The following KCNIP1 variants were observed in gnomAD, a reference collection of about 807,000 sequenced individuals.
KCNIP1 encodes the protein potassium voltage-gated channel interacting protein 1.
Under a neutral mutation model 33.0 loss-of-function variants are expected in KCNIP1, and 18 were observed. The observed-to-expected ratio is 0.55, with a 90% CI of 0.38 to 0.81. The LOEUF (loss-of-function observed/expected upper bound fraction) is 0.81, where lower values mean the gene tolerates loss of function less well. Among genes scored for constraint, KCNIP1 ranks in the 30% least tolerant of loss-of-function variants. KCNIP1 has a pLI of 0.00. For synonymous variants in KCNIP1, 93 were observed against 98.3 expected (o/e 0.95, Z 0.32); for missense variants, 238 against 271.6 (o/e 0.88, Z 0.87).
At chr5:170,450,484 AT>A (rs1368235563) in intron 1 of KCNIP1, among the ~76,000 whole-genome samples, 1 of 152,086 alleles carries the variant, frequency 6.6e-6, no homozygotes, top group East Asian at 1.9e-4. Context: ...AGACCACAGC[AT>A]TCCCTAGCTG....
intron 2 of KCNIP1, 101 bp downstream of exon 2, chr5:170,718,983 G>C: frequency 6.8e-7 from 1 of 1,460,394 alleles, no homozygotes; most frequent in Admixed American, 2.3e-5. Context: ...CCATATGTGA[G>C]GCTGTACAAG....
intron 1 of KCNIP1, among the ~76,000 whole-genome samples, chr5:170,668,294 G>C (rs1460077853): frequency 6.6e-6 from 1 of 152,156 alleles, no homozygotes; most frequent in African/African-American, 2.4e-5. Flanking sequence ...TAATCTATGG[G>C]CAAGAATCAT....
chr5:170,495,930 G>A (rs974445341), intron 1 of KCNIP1, among the ~76,000 whole-genome samples: 1 of 152,034 alleles, frequency 6.6e-6, no homozygotes, highest in Non-Finnish European at 1.5e-5. Context: ...CCTTTTTCAG[G>A]CTCCAATTGC....
At chr5:170,628,966 G>A (rs1381319619) in intron 1 of KCNIP1, among the ~76,000 whole-genome samples, 2 of 152,178 alleles carry the variant, frequency 1.3e-5, no homozygotes, top group East Asian at 1.9e-4. Context: ...CTGGCCACAA[G>A]CCCACCCTGT....
chr5:170,384,427 G>A (rs1035772208), intron 1 of KCNIP1, among the ~76,000 whole-genome samples: 1 of 152,190 alleles, frequency 6.6e-6, no homozygotes, highest in Non-Finnish European at 1.5e-5. Context: ...TGGGAAAGAT[G>A]GTGGGGACAG....
In KCNIP1 at chr5:170,361,916, G is replaced by A. The variant is rs566309162; in HGVS notation, c.88+7952G>A. On this transcript the variant is annotated intron_variant, in intron 1 of 7. Coordinates refer to the KCNIP1 transcript ENST00000377360. ...ATTTCAACATGTGAATTTGGGGGAC[G>A]GGAGGCACAAATATTCAGCCCATTG... Among the ~76,000 whole-genome samples the A allele has an allele frequency of 4.6e-5, 7 of 152,320 alleles. No individual in the cohort carries two copies. In the East Asian group the frequency reaches 9.7e-4, roughly 21 times the overall value.
intron 1 of KCNIP1, among the ~76,000 whole-genome samples, chr5:170,581,991 G>A (rs1177436535): frequency 6.6e-6 from 1 of 152,154 alleles, no homozygotes; most frequent in African/African-American, 2.4e-5. Context: ...CCAGCTCTTG[G>A]GGGAACTCTC....
chr5:170,483,745 G>A (rs1757025924), intron 1 of KCNIP1: 1 of 152,164 alleles, frequency 6.6e-6, no homozygotes, highest in Non-Finnish European at 1.5e-5. Context: ...CCAAATAGGT[G>A]CAAGTAGATT....
chr5:170,516,562 C>T (rs774529682), intron 1 of KCNIP1, among the ~76,000 whole-genome samples: 1 of 152,198 alleles, frequency 6.6e-6, no homozygotes, highest in Non-Finnish European at 1.5e-5. Flanking sequence ...CTTTGAGGAT[C>T]TCCCCCACCC....
intron 1 of KCNIP1, among the ~76,000 whole-genome samples, chr5:170,415,155 C>A (rs955157260): frequency 6.6e-6 from 1 of 152,140 alleles, no homozygotes; most frequent in East Asian, 1.9e-4. Context: ...GGATAACCCA[C>A]GAGGACGTTG....
intron 1 of KCNIP1, among the ~76,000 whole-genome samples, chr5:170,635,723 C>G (rs1760254830): frequency 6.6e-6 from 1 of 152,234 alleles, no homozygotes; most frequent in African/African-American, 2.4e-5. Context: ...CTTTGCAAGG[C>G]TCTGTTTTTA....
At chr5:170,617,504 C>T (rs1759430247) in intron 1 of KCNIP1, among the ~76,000 whole-genome samples, 1 of 152,134 alleles carries the variant, frequency 6.6e-6, no homozygotes. Context: ...GATCTTAAGC[C>T]ACCAGCCTTA....
At chr5:170,624,064 C>T (rs1759717749) in intron 1 of KCNIP1, among the ~76,000 whole-genome samples, 1 of 152,250 alleles carries the variant, frequency 6.6e-6, no homozygotes, top group African/African-American at 2.4e-5. Flanking sequence ...ATCCCCTGGT[C>T]CTCTCAGCTC....
intron 1 of KCNIP1, among the ~76,000 whole-genome samples, chr5:170,528,955 A>G (rs17072703): frequency 0.055 from 8,347 of 152,260 alleles, 742 homozygotes; most frequent in African/African-American, 0.18. Flanking sequence ...ACCATACCTA[A>G]CCCCAAAGAT....
intron 1 of KCNIP1, among the ~76,000 whole-genome samples, chr5:170,641,266 C>T (rs1760540784): frequency 1.3e-5 from 2 of 152,156 alleles, no homozygotes; most frequent in Non-Finnish European, 2.9e-5. Context: ...CACATTTCTC[C>T]CAGGCTATTG....
chr5:170,442,046 A>G (rs933922676), intron 1 of KCNIP1, among the ~76,000 whole-genome samples: 10 of 151,232 alleles, frequency 6.6e-5, no homozygotes, highest in Non-Finnish European at 8.8e-5. Context: ...AGAGGAAGCC[A>G]CCACTCAGTG....
intron 1 of KCNIP1, among the ~76,000 whole-genome samples, chr5:170,667,312 C>CAAA (rs35041879): frequency 2.4e-4 from 33 of 136,728 alleles, no homozygotes; most frequent in African/African-American, 6.9e-4. Context: ...AACTCCGTCT[C>CAAA]AAAAAAAAAA....
chr5:170,384,665 G>A (rs1012979389), intron 1 of KCNIP1, among the ~76,000 whole-genome samples: 1 of 152,250 alleles, frequency 6.6e-6, no homozygotes, highest in African/African-American at 2.4e-5. Context: ...TTATCCTAAG[G>A]ACAGGCTGGG....
chr5:170,633,830 A>G (rs529580655), intron 1 of KCNIP1, among the ~76,000 whole-genome samples: 2 of 149,588 alleles, frequency 1.3e-5, no homozygotes, highest in African/African-American at 5.0e-5. Context: ...GCTGCACGAG[A>G]AGGAGAGCCA....
Sources: allele counts gnomAD v4.1 joint callset (sites outside exome capture counted in the v4.1 genomes callset), GRCh38; gene constraint gnomAD v4.1.1; transcripts MANE v1.5; gene names NCBI Gene and HGNC (gene_info 2026-07-23, HGNC 2026-07-21).